Variants in FOXO3 observed in about 807,000 individuals in gnomAD.
FOXO3 encodes the protein forkhead box protein O3.
In FOXO3, 4 loss-of-function variants were observed where a neutral mutation model predicts 41.9. The ratio of observed to expected loss-of-function variants is 0.10; its 90% CI spans 0.05 to 0.22. FOXO3 has a LOEUF of 0.22. Among genes scored for constraint, FOXO3 ranks in the 10% least tolerant of loss-of-function variants. The pLI is 1.00. For missense variants in FOXO3, 534 were observed against 906.8 expected (o/e 0.59, Z 5.28); for synonymous variants, 318 against 389.3 (o/e 0.82, Z 2.16).
At chr6:108,671,951 G>C (rs768943122) in intron 2 of FOXO3, among the ~76,000 whole-genome samples, 1 of 152,204 alleles carries the variant, frequency 6.6e-6, no homozygotes, top group East Asian at 1.9e-4. Context: ...TTAAAGGATC[G>C]CCTGAGAAGT....
At chr6:108,559,938 C>CGCCCCCTCCTCGCCGT (rs1269367619), upstream of FOXO3, 1 of 152,070 alleles carries the variant, frequency 6.6e-6, no homozygotes, top group Non-Finnish European at 1.5e-5. Context: ...CGAGGTTGCG[C>CGCCCCCTCCTCGCCGT]GCCCCCTCCT....
chr6:108,620,901 C>T (rs1203719535), intron 1 of FOXO3, among the ~76,000 whole-genome samples: 2 of 152,094 alleles, frequency 1.3e-5, no homozygotes, highest in Non-Finnish European at 2.9e-5. Context: ...CCTGTAGCCT[C>T]CCACGTTATC....
intron 2 of FOXO3, among the ~76,000 whole-genome samples, chr6:108,677,052 G>A (rs1389570301): frequency 1.3e-5 from 2 of 152,226 alleles, no homozygotes; most frequent in Non-Finnish European, 2.9e-5. Flanking sequence ...TCCTCTGCAA[G>A]AGTTGCCTCT....
At chr6:108,619,747 GCTAATACCC>G (rs1777614948) in intron 1 of FOXO3, among the ~76,000 whole-genome samples, 1 of 152,184 alleles carries the variant, frequency 6.6e-6, no homozygotes. Flanking sequence ...GCAGTAGGAA[GCTAATACCC>G]CTGATTAAGA....
chr6:108,562,585 A>G (rs1775838686), intron 1 of FOXO3, among the ~76,000 whole-genome samples: 1 of 151,922 alleles, frequency 6.6e-6, no homozygotes, highest in Non-Finnish European at 1.5e-5. Context: ...GGATTCAGGC[A>G]CTGTTTGAGG....
rs11966734 is a variant in FOXO3, at chr6:108,567,224, A to G, written c.621+5395A>G. Among the ~76,000 whole-genome samples the G allele has an allele frequency of 2.4e-3, 363 of 152,318 alleles. 1 individual carries two copies. Among genetic ancestry groups the G allele is most frequent in the African/African-American group, 8.4e-3 (349 of 41,568 alleles). On this transcript the variant is annotated intron_variant, in intron 1 of 2. Transcript: ENST00000406360. The stretch of plus-strand genomic sequence containing the variant: ...GGAAGTGGCAAATTTGATGTGGGGC[A>G]TGGCTTGGAGCTAGCCTTTAACTCT...
intron 2 of FOXO3, among the ~76,000 whole-genome samples, chr6:108,679,062 G>A (rs550328108): frequency 1.7e-4 from 25 of 151,402 alleles, no homozygotes; most frequent in Non-Finnish European, 2.8e-4. Flanking sequence ...TAGTAGAGAC[G>A]GGGTTTCACC....
intron 1 of FOXO3, among the ~76,000 whole-genome samples, chr6:108,619,965 C>G (rs1251088189): frequency 6.6e-6 from 1 of 152,154 alleles, no homozygotes; most frequent in Non-Finnish European, 1.5e-5. Flanking sequence ...GGTTTCATAT[C>G]CTAAACCTGT....
chr6:108,604,302 C>A (rs1159317527), intron 1 of FOXO3, among the ~76,000 whole-genome samples: 1 of 152,122 alleles, frequency 6.6e-6, no homozygotes, highest in Non-Finnish European at 1.5e-5. Context: ...ACTGTTAATA[C>A]ATTTCTTGGT....
At chr6:108,579,096 C>T (rs1776340822) in intron 1 of FOXO3, among the ~76,000 whole-genome samples, 1 of 152,172 alleles carries the variant, frequency 6.6e-6, no homozygotes, top group South Asian at 2.1e-4. Flanking sequence ...CTTTTACCAG[C>T]TGTTTCAGAA....
At chr6:108,582,108 A>G (rs761983252) in intron 1 of FOXO3, among the ~76,000 whole-genome samples, 3 of 152,348 alleles carry the variant, frequency 2.0e-5, no homozygotes, top group South Asian at 4.1e-4. Context: ...TATAGGGACA[A>G]CGTATTTTTC....
At chr6:108,597,506 G>C (rs1776917076) in intron 1 of FOXO3, among the ~76,000 whole-genome samples, 1 of 152,068 alleles carries the variant, frequency 6.6e-6, no homozygotes, top group Admixed American at 6.6e-5. Context: ...ATGCTGCCTT[G>C]TGGTATTTGT....
intron 1 of FOXO3, among the ~76,000 whole-genome samples, chr6:108,573,869 A>G (rs1776184018): frequency 6.6e-6 from 1 of 151,908 alleles, no homozygotes; most frequent in Admixed American, 6.6e-5. Context: ...GACTTATGAT[A>G]TTGGCCGGGC....
intron 1 of FOXO3, among the ~76,000 whole-genome samples, chr6:108,618,522 G>T (rs1312681111): frequency 6.6e-6 from 1 of 152,234 alleles, no homozygotes; most frequent in African/African-American, 2.4e-5. Context: ...TTTGAAGCTA[G>T]CATGTAAACT....
chr6:108,630,484 G>A (rs1490581026), intron 1 of FOXO3, among the ~76,000 whole-genome samples: 1 of 152,130 alleles, frequency 6.6e-6, no homozygotes, highest in African/African-American at 2.4e-5. Context: ...GGTGGCTAGG[G>A]TAGTATTGCG....
chr6:108,641,928 G>A (rs1778269517), intron 1 of FOXO3, among the ~76,000 whole-genome samples: 1 of 152,144 alleles, frequency 6.6e-6, no homozygotes, highest in South Asian at 2.1e-4. Flanking sequence ...ATATAAATGA[G>A]TTAACTGGAA....
At chr6:108,612,831 C>T (rs536834889) in intron 1 of FOXO3, among the ~76,000 whole-genome samples, 1 of 152,264 alleles carries the variant, frequency 6.6e-6, no homozygotes, top group South Asian at 2.1e-4. Flanking sequence ...CCATTTTTCT[C>T]ATCTTAAGGG....
chr6:108,674,077 T>G (rs1439810324), intron 2 of FOXO3, among the ~76,000 whole-genome samples: 4 of 152,214 alleles, frequency 2.6e-5, no homozygotes, highest in African/African-American at 9.7e-5. Context: ...TGTATTGATT[T>G]CATCTGTAAG....
chr6:108,661,670 A>G (rs533738514), intron 1 of FOXO3, among the ~76,000 whole-genome samples: 164 of 152,330 alleles, frequency 1.1e-3, no homozygotes, highest in Middle Eastern at 3.4e-3. Context: ...ATATGATTAT[A>G]GCCATAATGA....
Sources: allele counts gnomAD v4.1 joint callset (sites outside exome capture counted in the v4.1 genomes callset), GRCh38; gene constraint gnomAD v4.1.1; transcripts MANE v1.5; gene names NCBI Gene and HGNC (gene_info 2026-07-23, HGNC 2026-07-21).